PARP4: variants seen among roughly 807,000 people sequenced by gnomAD.
PARP4 encodes poly(ADP-ribose) polymerase family member 4, also known as protein mono-ADP-ribosyltransferase PARP4.
PARP4 carries 120 observed loss-of-function variants against 187.7 expected under a neutral mutation model. The observed-to-expected ratio is 0.64, with a 90% CI of 0.55 to 0.74. PARP4 has a LOEUF of 0.74. PARP4 is among the 30% of genes least tolerant of loss of function. PARP4 has a pLI of 0.00. For synonymous variants in PARP4, 654 were observed against 740.9 expected, an observed-to-expected ratio of 0.88 and a Z score of 1.90; for missense variants, 1,836 against 2,070.5, an observed-to-expected ratio of 0.89 and a Z score of 2.20.
intron 32 of PARP4, among the ~76,000 whole-genome samples, 173 bp from the exon 33 acceptor site, chr13:24,426,771 A>T (rs1297971292): frequency 1.3e-5 from 2 of 151,552 alleles, no homozygotes; most frequent in African/African-American, 4.8e-5. Flanking sequence ...AGGCACCTGT[A>T]GTCCCAGCTA....
In PARP4 at chr13:24,477,832, G is replaced by C; in HGVS notation, c.1658C>G (p.Thr553Ser). ...FEDDEFVVYK[T>S]NQVKMKYIIK... ...AATATATTTCATTTTAACCTGATTG[G>C]TTTTATAGACAACAAATTCATCATC... is the stretch of plus-strand genomic sequence containing the variant. Residue 553 changes from threonine (T) to serine (S), a missense_variant, in exon 14 of 34, where the codon ACC (threonine) becomes AGC (serine). Coordinates refer to ENST00000381989, the MANE Select transcript of PARP4 (RefSeq NM_006437.4). The C allele has an allele frequency of 5.7e-6, 9 of 1,577,096 alleles. No homozygotes were observed. Among genetic ancestry groups the C allele is most frequent in the Non-Finnish European group, 7.7e-6 (9 of 1,163,328 alleles).
At chr13:24,493,854 TCCCCAGCC>T in intron 7 of PARP4, 121 bp from the exon 8 acceptor site, 1 of 907,096 alleles carries the variant, frequency 1.1e-6, no homozygotes, top group Non-Finnish European at 1.7e-6. Flanking sequence ...AGGAGAGTCA[TCCCCAGCC>T]AGGTAACTAA....
In PARP4 at chr13:24,500,396, C is replaced by T. The variant is rs201830873; in HGVS notation, c.335-14G>A. 211 of 1,567,142 alleles carry T rather than the reference C, an allele frequency of 1.3e-4. 2 individuals carry two copies. In the East Asian group the frequency reaches 4.1e-3, roughly 31 times the overall value. ...CTGTTTTCACTTCTAGAATTAAAAG[C>T]AAACAGCACACTTGTTTACTGCCCA... is the stretch of plus-strand genomic sequence containing the variant. On this transcript the variant is annotated splice_polypyrimidine_tract_variant and intron_variant, in intron 3 of 33. Transcript: ENST00000381989.
chr13:24,451,292 G>A (rs190629543), intron 24 of PARP4, among the ~76,000 whole-genome samples: 1 of 152,336 alleles, frequency 6.6e-6, no homozygotes, highest in African/African-American at 2.4e-5. Context: ...GTCCCATCAG[G>A]AACAACTCCT....
chr13:24,502,313 A>G (rs1869344975), intron 2 of PARP4, among the ~76,000 whole-genome samples: 1 of 152,220 alleles, frequency 6.6e-6, no homozygotes. Context: ...GTTTACAGGC[A>G]TGAGCCAACA....
intron 10 of PARP4, among the ~76,000 whole-genome samples, chr13:24,488,088 T>C (rs1159007774): frequency 6.6e-6 from 1 of 152,180 alleles, no homozygotes; most frequent in African/African-American, 2.4e-5. Context: ...AAGCCCACTT[T>C]AGCTGTGTGA....
chr13:24,474,825 TTCAC>T (rs1872901958), intron 15 of PARP4, among the ~76,000 whole-genome samples: 1 of 151,980 alleles, frequency 6.6e-6, no homozygotes. Flanking sequence ...AAGCTTCCAT[TTCAC>T]TCAGAGTCAA....
intron 17 of PARP4, among the ~76,000 whole-genome samples, chr13:24,463,440 C>T (rs1872306991): frequency 6.6e-6 from 1 of 152,034 alleles, no homozygotes; most frequent in Non-Finnish European, 1.5e-5. Flanking sequence ...AAATGAAGAG[C>T]ACCAGAAACG....
intron 17 of PARP4, among the ~76,000 whole-genome samples, chr13:24,467,948 C>G (rs965261542): frequency 5.9e-5 from 9 of 152,286 alleles, no homozygotes; most frequent in African/African-American, 2.2e-4. Flanking sequence ...CTCTTCATTA[C>G]TTATTCCCAT....
intron 27 of PARP4, 29 bp from the exon 28 acceptor site, chr13:24,443,759 T>A (rs745823318): frequency 1.4e-6 from 2 of 1,456,420 alleles, no homozygotes; most frequent in Non-Finnish European, 1.9e-6. Context: ...GGAAAAAAAA[T>A]ATTCACATGG....
At chr13:24,430,971 G>A (rs1870304665) in intron 32 of PARP4, among the ~76,000 whole-genome samples, 1 of 152,170 alleles carries the variant, frequency 6.6e-6, no homozygotes, top group Non-Finnish European at 1.5e-5. Context: ...CTCTTACCAG[G>A]ATAATTTTAA....
At chr13:24,421,621 G>T (rs1371950517) in intron 33 of PARP4, among the ~76,000 whole-genome samples, 3 of 152,226 alleles carry the variant, frequency 2.0e-5, no homozygotes, top group African/African-American at 7.2e-5. Context: ...CCCTTTCCAC[G>T]CTTCTCAGTC....
chr13:24,488,146 G>T (rs1346517034), intron 10 of PARP4, among the ~76,000 whole-genome samples: 2 of 152,186 alleles, frequency 1.3e-5, no homozygotes, highest in African/African-American at 2.4e-5. Context: ...GGCTTGCTCA[G>T]GTAGCCCTGG....
rs1222497684 is a variant in PARP4, at chr13:24,486,269, A to C, written c.1251T>G (p.Val417=). 1 of 1,607,790 alleles carries C rather than the reference A, an allele frequency of 6.2e-7. No individual in the cohort carries two copies. Among genetic ancestry groups the C allele is most frequent in the Non-Finnish European group, 8.5e-7 (1 of 1,174,284 alleles). The change falls in exon 11 of 34, where the codon GTT becomes GTG. Residue 417 remains valine, a synonymous_variant. Transcript: ENST00000381989. ...SPVDVLQIFR[V]GRVNETTEFL... ...ACTCTGTGGTTTCATTCACTCTGCCAACTCTAAATATCTGCAAGACATCCA... is the reference window on the plus strand; with the variant it reads ...ACTCTGTGGTTTCATTCACTCTGCCCACTCTAAATATCTGCAAGACATCCA...
chr13:24,455,506 T>TATATATATATATATATATATATATATAA (rs1555234626), intron 21 of PARP4, among the ~76,000 whole-genome samples: 1 of 135,448 alleles, frequency 7.4e-6, no homozygotes, highest in Admixed American at 7.5e-5. Context: ...TATATATATA[T>TATATATATATATATATATATATATATAA]CACACTATTC....
intron 32 of PARP4, 117 bp from the exon 33 acceptor site, chr13:24,426,715 C>T: frequency 2.2e-6 from 2 of 907,004 alleles, no homozygotes; most frequent in Admixed American, 2.6e-5. Flanking sequence ...CAATGAAACT[C>T]CATCTCTGCT....
intron 30 of PARP4, among the ~76,000 whole-genome samples, chr13:24,439,911 T>C (rs1870831136): frequency 6.6e-6 from 1 of 152,148 alleles, no homozygotes; most frequent in Admixed American, 6.5e-5. Flanking sequence ...GACCTGGAAG[T>C]CCGGACCAGT....
intron 27 of PARP4, among the ~76,000 whole-genome samples, chr13:24,445,203 G>C (rs1284435007): frequency 6.6e-6 from 1 of 151,950 alleles, no homozygotes; most frequent in Non-Finnish European, 1.5e-5. Context: ...TCTATCGTTG[G>C]ATTATTTTAT....
chr13:24,491,746 C>T (rs1868666576), intron 9 of PARP4, among the ~76,000 whole-genome samples: 1 of 152,348 alleles, frequency 6.6e-6, no homozygotes, highest in Admixed American at 6.5e-5. Context: ...CTCCTGGCAG[C>T]TCAGAGGAGA....
Sources: gnomAD v4.1 joint callset for allele counts (sites outside exome capture counted in the v4.1 genomes callset) on GRCh38, gnomAD v4.1.1 for gene constraint, MANE v1.5 for transcripts, NCBI Gene and HGNC (gene_info 2026-07-23, HGNC 2026-07-21) for gene names.